ERBIN: variants seen among roughly 807,000 people sequenced by gnomAD.
The protein encoded by ERBIN is erbb2 interacting protein.
ERBIN carries 60 observed loss-of-function variants against 158.4 expected under a neutral mutation model. The observed-to-expected ratio is 0.38, with a 90% CI of 0.31 to 0.47. ERBIN has a LOEUF of 0.47. ERBIN is among the 20% of genes least tolerant of loss of function. The pLI is 0.99. For synonymous variants in ERBIN, 594 were observed against 557.2 expected, an observed-to-expected ratio of 1.07 and a Z score of -0.93; for missense variants, 1,610 against 1,648.0, an observed-to-expected ratio of 0.98 and a Z score of 0.40.
At chr5:65,941,263 C>T (rs1449460233) in intron 1 of ERBIN, among the ~76,000 whole-genome samples, 1 of 148,590 alleles carries the variant, frequency 6.7e-6, no homozygotes, top group African/African-American at 2.5e-5. Context: ...CACTATTGTC[C>T]TATGACCCTG....
At chr5:66,071,907 T>C (rs1761566163) in intron 21 of ERBIN, among the ~76,000 whole-genome samples, 1 of 152,174 alleles carries the variant, frequency 6.6e-6, no homozygotes, top group Non-Finnish European at 1.5e-5. Flanking sequence ...AAATTCATCT[T>C]CTACATGTGT....
rs762720005 is a variant in ERBIN, at chr5:66,025,460, G to A, written c.818-20G>A. 6.3e-7 allele frequency: 1 copy of A among 1,585,330 alleles called. No homozygotes were observed. Among genetic ancestry groups the A allele is most frequent in the African/African-American group, 1.3e-5 (1 of 74,634 alleles). ...TCTATTTTAAGCTGAAAAATTGTATGTTGTTTCTTCCCTCATTAGGTTCGT... is the reference window on the plus strand; with the variant it reads ...TCTATTTTAAGCTGAAAAATTGTATATTGTTTCTTCCCTCATTAGGTTCGT... On this transcript the variant is annotated intron_variant, in intron 10 of 25. Coordinates refer to ENST00000284037, the MANE Select transcript of ERBIN (RefSeq NM_001253697.2).
At chr5:66,051,054 A>G (rs1460517446) in intron 20 of ERBIN, 88 bp downstream of exon 20, 3 of 792,056 alleles carry the variant, frequency 3.8e-6, no homozygotes, top group African/African-American at 3.7e-5. Flanking sequence ...ATAGGGTTTA[A>G]TAAATATTAT....
rs534820609 is a variant in ERBIN at position 66,053,330 on chromosome 5, A to T, written c.2088-76A>T. On this transcript the variant is annotated intron_variant, in intron 20 of 25. Coordinates refer to ENST00000284037, the MANE Select transcript of ERBIN (RefSeq NM_001253697.2). ...CTTTTTTAACTTGTCTACCTACACAATTTATTTATTAATGTTCCCTGTTAC... is the reference window on the plus strand; with the variant it reads ...CTTTTTTAACTTGTCTACCTACACATTTTATTTATTAATGTTCCCTGTTAC... 3.7e-4 allele frequency: 318 copies of T among 862,570 alleles called. 3 individuals are homozygous for T. The South Asian group carries it at 7.6e-3, about 21-fold the overall frequency. 53.4% of individuals were successfully genotyped at this position (862,570 alleles called of 1,614,324 possible).
intron 7 of ERBIN, among the ~76,000 whole-genome samples, chr5:66,016,012 A>T (rs1389110125): frequency 6.6e-6 from 1 of 152,238 alleles, no homozygotes; most frequent in Non-Finnish European, 1.5e-5. Flanking sequence ...CCTGACCAGC[A>T]TATAACCTGC....
chr5:65,932,317 G>A (rs910739829), intron 1 of ERBIN, among the ~76,000 whole-genome samples: 11 of 139,106 alleles, frequency 7.9e-5, no homozygotes, highest in Non-Finnish European at 1.5e-4. Context: ...CCAGCCTGGC[G>A]ACAGAGCAAG....
At chr5:66,069,601 A>C (rs1012101236) in intron 21 of ERBIN, among the ~76,000 whole-genome samples, 1 of 152,178 alleles carries the variant, frequency 6.6e-6, no homozygotes, top group African/African-American at 2.4e-5. Context: ...TTTAACCAAA[A>C]TTCAGTGTGG....
chr5:66,067,510 G>A (rs1580531028), intron 21 of ERBIN, among the ~76,000 whole-genome samples: 2 of 152,274 alleles, frequency 1.3e-5, no homozygotes, highest in East Asian at 3.9e-4. Flanking sequence ...ATAAACAAGT[G>A]GAACAGCGGG....
intron 1 of ERBIN, among the ~76,000 whole-genome samples, chr5:65,930,856 C>T (rs1743279742): frequency 6.6e-6 from 1 of 152,182 alleles, no homozygotes; most frequent in African/African-American, 2.4e-5. Flanking sequence ...GACACAGAAT[C>T]CCTAAAATTT....
chr5:65,963,458 C>T (rs1748149626), intron 1 of ERBIN, among the ~76,000 whole-genome samples: 3 of 151,994 alleles, frequency 2.0e-5, no homozygotes, highest in Admixed American at 1.3e-4. Flanking sequence ...ATTAGCTGGG[C>T]ATGGTGGCAG....
intron 23 of ERBIN, 47 bp downstream of exon 23, chr5:66,075,277 G>T (rs1761882925): frequency 6.9e-7 from 1 of 1,442,918 alleles, no homozygotes; most frequent in Non-Finnish European, 9.7e-7. Flanking sequence ...AGCTTTTTAT[G>T]TATTTTTATA....
intron 1 of ERBIN, among the ~76,000 whole-genome samples, chr5:65,930,535 C>T (rs989414060): frequency 6.6e-6 from 1 of 152,198 alleles, no homozygotes; most frequent in Admixed American, 6.5e-5. Flanking sequence ...GTCTTTATCT[C>T]CTGACCTCGT....
chr5:65,949,219 A>G (rs886485617), intron 1 of ERBIN, among the ~76,000 whole-genome samples: 19 of 152,194 alleles, frequency 1.2e-4, no homozygotes, highest in African/African-American at 4.6e-4. Context: ...TTCAGGAGTC[A>G]GGTATAGATC....
At chr5:66,061,650 A>G (rs1760365711) in intron 21 of ERBIN, among the ~76,000 whole-genome samples, 1 of 152,148 alleles carries the variant, frequency 6.6e-6, no homozygotes, top group Admixed American at 6.5e-5. Context: ...GATGGTCTTT[A>G]CAATTTGGCA....
chr5:66,072,307 A>G lies in ERBIN; in HGVS notation c.3756+16A>G. ...CTTGATGAAAGTGGGTGCTCGGGAA[A>G]ACAAAATGTAGTATCTGTGAGCTTT... On this transcript the variant is annotated intron_variant, in intron 22 of 25. Transcript: ENST00000284037. The G allele has an allele frequency of 6.5e-7, 1 of 1,549,346 alleles. No individual in the cohort carries two copies. The highest frequency in any genetic ancestry group is 8.7e-7 in the Non-Finnish European group (1 of 1,146,444).
Position 66,054,101 on chromosome 5 carries a change from C to T in ERBIN, c.2783C>T (p.Thr928Ile). 6.2e-7 allele frequency: 1 copy of T among 1,614,156 alleles called. No individual in the cohort carries two copies. The highest frequency in any genetic ancestry group is 8.5e-7 in the Non-Finnish European group (1 of 1,180,024). Residue 928 changes from threonine (T) to isoleucine (I), a missense_variant, in exon 21 of 26, where the codon ACT becomes ATT. By Grantham distance (89) the Thr-to-Ile change is moderately conservative. Around this residue, in one of 2 missense-constraint regions of ERBIN, gnomAD observed 1,014 missense variants for 936.1 expected, o/e 1.08. Coordinates refer to ENST00000284037, the MANE Select transcript of ERBIN (RefSeq NM_001253697.2). ...TATGATCAACCATTGCAGGTATTTACTGGTTCTTCCTCATCTTCTGATTTA... is the reference window on the plus strand; with the variant it reads ...TATGATCAACCATTGCAGGTATTTATTGGTTCTTCCTCATCTTCTGATTTA... ...LLYDQPLQVFTGSSSSSDLIS... is the reference protein window; with the variant it reads ...LLYDQPLQVFIGSSSSSDLIS...
intron 1 of ERBIN, among the ~76,000 whole-genome samples, chr5:65,930,904 A>G (rs1743285834): frequency 1.3e-5 from 2 of 152,222 alleles, no homozygotes; most frequent in African/African-American, 2.4e-5. Context: ...AATAAGCACA[A>G]TAGTACTCTA....
chr5:66,025,253 G>T, intron 10 of ERBIN: 1 of 491,464 alleles, frequency 2.0e-6, no homozygotes, highest in Non-Finnish European at 3.6e-6. Context: ...ATTTTAGTGG[G>T]AGTTAATAAA....
chr5:66,048,342 A>G (rs1320980755), intron 18 of ERBIN, among the ~76,000 whole-genome samples: 1 of 151,960 alleles, frequency 6.6e-6, no homozygotes, highest in African/African-American at 2.4e-5. Context: ...TGTTACTCTA[A>G]TTCATAGAGC....
Sources: allele counts gnomAD v4.1 joint callset (sites outside exome capture counted in the v4.1 genomes callset), GRCh38; gene constraint gnomAD v4.1.1; regional missense constraint gnomAD v4.1.1; transcripts MANE v1.5; gene names NCBI Gene and HGNC (gene_info 2026-07-23, HGNC 2026-07-21).